Variants in LOC400499 observed in about 807,000 individuals in gnomAD.
the LOC400499 span, chr16:11,494,860 C>A: frequency 2.5e-6 from 1 of 398,222 alleles, no homozygotes; most frequent in Non-Finnish European, 4.4e-6. Flanking sequence ...CTTCATAATA[C>A]AGAGCTGAGT....
At chr16:11,520,449 G>C in the LOC400499 span, among the ~76,000 whole-genome samples, 6 of 152,114 alleles carry the variant, frequency 3.9e-5, no homozygotes, top group African/African-American at 1.4e-4. Context: ...TTGAGGTCAG[G>C]AGTTCAAGAC....
chr16:11,472,115 C>T, the LOC400499 span: 2 of 298,120 alleles, frequency 6.7e-6, no homozygotes, highest in Non-Finnish European at 1.2e-5. Context: ...TACCAACAAC[C>T]AAATATTTCT....
the LOC400499 span, chr16:11,396,398 G>T: frequency 9.9e-7 from 1 of 1,012,076 alleles, no homozygotes; most frequent in Non-Finnish European, 1.3e-6. Context: ...TCCTCAGATA[G>T]CCACTAGATG....
At chr16:11,478,719 C>G in the LOC400499 span, 1 of 399,038 alleles carries the variant, frequency 2.5e-6, no homozygotes, top group East Asian at 3.6e-5. Flanking sequence ...ACAAAGAACA[C>G]AGTCAGGGTT....
At chr16:11,472,576 G>C in the LOC400499 span, 2 of 152,212 alleles carry the variant, frequency 1.3e-5, no homozygotes, top group South Asian at 4.1e-4. Context: ...TCAAATTCTA[G>C]CTTGGCCACT....
At chr16:11,417,554 A>C in the LOC400499 span, 2 of 398,268 alleles carry the variant, frequency 5.0e-6, no homozygotes, top group Non-Finnish European at 8.8e-6. Flanking sequence ...ACCTGGGTCC[A>C]GGCCTGAGGC....
chr16:11,498,553 C>G, the LOC400499 span, among the ~76,000 whole-genome samples: 1 of 151,988 alleles, frequency 6.6e-6, no homozygotes, highest in East Asian at 1.9e-4. Flanking sequence ...CATTAAAATA[C>G]TCTCTCCCTG....
At chr16:11,404,257 C>G in the LOC400499 span, among the ~76,000 whole-genome samples, 1 of 152,188 alleles carries the variant, frequency 6.6e-6, no homozygotes, top group Non-Finnish European at 1.5e-5. Flanking sequence ...CATCTTGTTG[C>G]TCAATGCCTG....
the LOC400499 span, chr16:11,407,348 A>C: frequency 4.8e-6 from 1 of 209,946 alleles, no homozygotes; most frequent in Non-Finnish European, 8.4e-6. Flanking sequence ...CTGGGTCAGA[A>C]AAAAAAAAAA....
chr16:11,418,790 C>A, the LOC400499 span, among the ~76,000 whole-genome samples: 1 of 152,234 alleles, frequency 6.6e-6, no homozygotes, highest in Non-Finnish European at 1.5e-5. Context: ...CATTTACTAT[C>A]TGGCCCTTGA....
the LOC400499 span, among the ~76,000 whole-genome samples, chr16:11,483,327 C>T: frequency 3.3e-5 from 5 of 152,174 alleles, no homozygotes; most frequent in Non-Finnish European, 7.3e-5. Context: ...GAAACAAAAG[C>T]ATATGCCTAA....
the LOC400499 span, among the ~76,000 whole-genome samples, chr16:11,401,704 C>T: frequency 0.16 from 24,639 of 152,184 alleles, 2,393 homozygotes; most frequent in Non-Finnish European, 0.23. Flanking sequence ...CACTGCACCT[C>T]TAAGTGCTTC....
the LOC400499 span, chr16:11,398,546 C>T: frequency 1.6e-6 from 2 of 1,228,956 alleles, no homozygotes; most frequent in Non-Finnish European, 2.0e-6. Context: ...GGGCTCATCA[C>T]CTAAGAGAAT....
At chr16:11,427,442 A>G in the LOC400499 span, among the ~76,000 whole-genome samples, 1 of 150,808 alleles carries the variant, frequency 6.6e-6, no homozygotes, top group Non-Finnish European at 1.5e-5. Context: ...ACCACTAGAC[A>G]CTAATTTGAT....
chr16:11,480,548 G>A, the LOC400499 span, among the ~76,000 whole-genome samples: 1 of 152,180 alleles, frequency 6.6e-6, no homozygotes, highest in South Asian at 2.1e-4. Context: ...TGTAAACTGT[G>A]GTTCCTACCC....
chr16:11,399,748 G>A, the LOC400499 span: 3 of 398,966 alleles, frequency 7.5e-6, no homozygotes, highest in South Asian at 3.8e-4. Flanking sequence ...GGTGCTGTGT[G>A]CTAAGGACCC....
At chr16:11,397,746 G>A in the LOC400499 span, among the ~76,000 whole-genome samples, 2 of 79,820 alleles carry the variant, frequency 2.5e-5, no homozygotes, top group African/African-American at 7.3e-5. Flanking sequence ...TGGGATGGAG[G>A]GAGGGAGGGA....
At chr16:11,472,700 C>G in the LOC400499 span, 1 of 152,206 alleles carries the variant, frequency 6.6e-6, no homozygotes, top group Non-Finnish European at 1.5e-5. Context: ...CTCAGTCTTT[C>G]TCATCTTAAA....
the LOC400499 span, chr16:11,465,681 G>A: frequency 3.3e-5 from 5 of 152,308 alleles, no homozygotes; most frequent in African/African-American, 1.2e-4. Context: ...GCTGAGGCAA[G>A]AGGATCGCTT....
Sources: allele counts gnomAD v4.1 joint callset (sites outside exome capture counted in the v4.1 genomes callset), GRCh38; gene constraint gnomAD v4.1.1; transcripts MANE v1.5.